The following XRCC4 variants were observed in gnomAD, a reference collection of about 807,000 sequenced individuals.
XRCC4 encodes X-ray repair cross complementing 4, also known as DNA repair protein XRCC4.
XRCC4 carries 28 observed loss-of-function variants against 39.1 expected under a neutral mutation model. The ratio of observed to expected loss-of-function variants is 0.72; its 90% CI spans 0.53 to 0.98. The LOEUF (loss-of-function observed/expected upper bound fraction) is 0.98. Among genes scored for constraint, XRCC4 ranks in the 50% least tolerant of loss-of-function variants. The probability of loss-of-function intolerance (pLI) is 0.00; values close to 1 mark genes in which losing one functional copy is unlikely to be tolerated. For synonymous variants in XRCC4, 123 were observed against 126.4 expected (o/e 0.97, Z 0.18); for missense variants, 350 against 376.4 (o/e 0.93, Z 0.58).
At chr5:83,133,989 C>T (rs1747746363) in intron 3 of XRCC4, among the ~76,000 whole-genome samples, 3 of 152,138 alleles carry the variant, frequency 2.0e-5, no homozygotes, top group Non-Finnish European at 2.9e-5. Flanking sequence ...GCGTGGTGCT[C>T]GCGGGCTGGT....
At chr5:83,258,447 G>T in intron 6 of XRCC4, 83 bp from the exon 7 acceptor site, 2 of 1,490,768 alleles carry the variant, frequency 1.3e-6, no homozygotes, top group Admixed American at 2.2e-5. Flanking sequence ...GTCACCTTAT[G>T]TCAATGCTAA....
At chr5:83,144,552 A>C (rs10037985) in intron 3 of XRCC4, among the ~76,000 whole-genome samples, 2,673 of 38,650 alleles carry the variant, frequency 0.069, 2 homozygotes, top group Middle Eastern at 0.11. Flanking sequence ...GTGTCTCCCC[A>C]CCCCCCCCCC....
intron 7 of XRCC4, among the ~76,000 whole-genome samples, chr5:83,272,412 T>C (rs1306853131): frequency 1.3e-5 from 2 of 152,130 alleles, no homozygotes; most frequent in Non-Finnish European, 2.9e-5. Context: ...TTTTTATTAT[T>C]ATTATGTATT....
chr5:83,274,189 T>C (rs1456627838), intron 7 of XRCC4, among the ~76,000 whole-genome samples: 1 of 152,230 alleles, frequency 6.6e-6, no homozygotes, highest in Non-Finnish European at 1.5e-5. Flanking sequence ...TTTCCAGTAC[T>C]CAACTGTCTA....
chr5:83,336,726 G>C (rs767613104), intron 7 of XRCC4, among the ~76,000 whole-genome samples: 1 of 152,154 alleles, frequency 6.6e-6, no homozygotes, highest in Non-Finnish European at 1.5e-5. Context: ...GTGAGTGTAC[G>C]TGTGCTTAGA....
chr5:83,296,817 A>G (rs1024243454), intron 7 of XRCC4, among the ~76,000 whole-genome samples: 3 of 151,952 alleles, frequency 2.0e-5, no homozygotes, highest in Non-Finnish European at 4.4e-5. Flanking sequence ...GATTAAAATT[A>G]TAAATAGAGA....
intron 6 of XRCC4, among the ~76,000 whole-genome samples, chr5:83,239,595 C>T (rs924723508): frequency 3.3e-5 from 5 of 151,578 alleles, no homozygotes; most frequent in East Asian, 2.0e-4. Context: ...TTTGGGAGGC[C>T]GAGGCGGGTG....
At chr5:83,110,141 G>A (rs570584546) in intron 2 of XRCC4, among the ~76,000 whole-genome samples, 5 of 152,072 alleles carry the variant, frequency 3.3e-5, no homozygotes, top group African/African-American at 1.2e-4. Flanking sequence ...CTTCTTCCCA[G>A]AGCACTTGCC....
chr5:83,228,393 GTTTC>G (rs1286129288), intron 6 of XRCC4, among the ~76,000 whole-genome samples: 1 of 151,862 alleles, frequency 6.6e-6, no homozygotes, highest in African/African-American at 2.4e-5. Context: ...TGCCTCCAGA[GTTTC>G]TTTCTAGGGT....
intron 6 of XRCC4, among the ~76,000 whole-genome samples, chr5:83,248,357 T>C (rs1753185713): frequency 6.6e-6 from 1 of 152,222 alleles, no homozygotes; most frequent in Non-Finnish European, 1.5e-5. Flanking sequence ...TTAATGAGAA[T>C]TAATTTTATC....
chr5:83,342,807 A>G (rs1221227595), intron 7 of XRCC4, among the ~76,000 whole-genome samples: 2 of 152,142 alleles, frequency 1.3e-5, no homozygotes, highest in Admixed American at 1.3e-4. Context: ...ATTTTTTTTA[A>G]TACTAACATT....
downstream of XRCC4, chr5:83,356,572 C>A: frequency 3.7e-6 from 1 of 273,664 alleles, no homozygotes; most frequent in South Asian, 3.8e-5. Flanking sequence ...AGCCTATAAT[C>A]TTGGGTTCCT....
intron 3 of XRCC4, among the ~76,000 whole-genome samples, chr5:83,186,487 C>T (rs1750444093): frequency 6.6e-6 from 1 of 152,136 alleles, no homozygotes; most frequent in Non-Finnish European, 1.5e-5. Flanking sequence ...GATCTCCTTC[C>T]TTTCTCTTGT....
intron 7 of XRCC4, among the ~76,000 whole-genome samples, chr5:83,349,659 C>T (rs926459436): frequency 4.6e-5 from 7 of 152,166 alleles, no homozygotes; most frequent in African/African-American, 1.7e-4. Context: ...TGGTCATATG[C>T]TGATTTTTTT....
Position 83,187,606 on chromosome 5 carries a change from C to T in XRCC4, c.316-8164C>T, listed in dbSNP as rs917666147. 9.2e-5 allele frequency among the ~76,000 whole-genome samples: 14 copies of T among 152,166 alleles called. No homozygotes were observed. In the East Asian group the frequency reaches 1.2e-3, roughly 13 times the overall value. ...AGAATGGTGAGAGATGAGATTGGCA[C>T]GGTAGTCACAGGCCAGACTGCTGTC... On this transcript the variant is annotated intron_variant, in intron 3 of 7. Coordinates refer to ENST00000396027, the MANE Select transcript of XRCC4 (RefSeq NM_003401.5).
At chr5:83,361,669 C>T in the XRCC4 span, among the ~76,000 whole-genome samples, 2 of 150,216 alleles carry the variant, frequency 1.3e-5, no homozygotes, top group Admixed American at 6.7e-5. Flanking sequence ...GTTGCCCAGG[C>T]TGGAGTGCAA....
At chr5:83,268,185 G>A (rs1754021617) in intron 7 of XRCC4, among the ~76,000 whole-genome samples, 1 of 152,182 alleles carries the variant, frequency 6.6e-6, no homozygotes, top group African/African-American at 2.4e-5. Context: ...GGAAGGAACA[G>A]CAGGGATGAA....
At chr5:83,252,797 G>A (rs1202966485) in intron 6 of XRCC4, among the ~76,000 whole-genome samples, 1 of 152,026 alleles carries the variant, frequency 6.6e-6, no homozygotes, top group Non-Finnish European at 1.5e-5. Context: ...TCATCTGGAG[G>A]TTTATAAGTA....
intron 3 of XRCC4, among the ~76,000 whole-genome samples, chr5:83,118,216 A>G (rs1746835120): frequency 6.6e-6 from 1 of 152,134 alleles, no homozygotes; most frequent in African/African-American, 2.4e-5. Context: ...TCAGTGATAT[A>G]AAAATCCAAA....
Sources: gnomAD v4.1 joint callset for allele counts (sites outside exome capture counted in the v4.1 genomes callset) on GRCh38, gnomAD v4.1.1 for gene constraint, MANE v1.5 for transcripts, NCBI Gene and HGNC (gene_info 2026-07-23, HGNC 2026-07-21) for gene names.